Variants in PPP2CB observed in about 807,000 individuals in gnomAD.
PPP2CB encodes protein phosphatase 2 catalytic subunit beta, also known as serine/threonine-protein phosphatase 2A catalytic subunit beta isoform.
PPP2CB carries 18 observed loss-of-function variants against 39.1 expected under a neutral mutation model. The observed-to-expected ratio is 0.46, with a 90% CI of 0.32 to 0.68. The LOEUF (loss-of-function observed/expected upper bound fraction) is 0.68. Among genes scored for constraint, PPP2CB ranks in the 30% least tolerant of loss-of-function variants. The probability of loss-of-function intolerance (pLI) is 0.04; values close to 1 mark genes in which losing one functional copy is unlikely to be tolerated. For missense variants in PPP2CB, 226 were observed against 396.9 expected, an observed-to-expected ratio of 0.57 and a Z score of 3.66; for synonymous variants, 129 against 133.8, an observed-to-expected ratio of 0.96 and a Z score of 0.25.
At chr8:30,803,953 G>C (rs1806674669) in intron 1 of PPP2CB, among the ~76,000 whole-genome samples, 1 of 151,982 alleles carries the variant, frequency 6.6e-6, no homozygotes, top group African/African-American at 2.4e-5. Flanking sequence ...CTCCCAAGTA[G>C]CTGGGATTAC....
intron 1 of PPP2CB, among the ~76,000 whole-genome samples, chr8:30,811,297 T>C (rs1563218551): frequency 6.6e-6 from 1 of 152,046 alleles, no homozygotes. Flanking sequence ...AAAACACACA[T>C]CCCACTTATC....
intron 3 of PPP2CB, among the ~76,000 whole-genome samples, chr8:30,796,773 C>A (rs1468031463): frequency 6.6e-6 from 1 of 152,192 alleles, no homozygotes; most frequent in East Asian, 1.9e-4. Context: ...ATAATTTCTT[C>A]TTATACTTTT....
Position 30,785,730 on chromosome 8 carries a change from T to C in PPP2CB, c.*505A>G, listed in dbSNP as rs562621649. 1 of 252,268 alleles carries C rather than the reference T, an allele frequency of 4.0e-6. No homozygotes were observed. Among genetic ancestry groups the C allele is most frequent in the African/African-American group, 2.3e-5 (1 of 43,600 alleles). 15.6% of individuals were successfully genotyped at this position (252,268 alleles called of 1,614,324 possible). Reference sequence around the variant, plus strand: ...ACATAAAACAGTAATTTAGTTTAAATGAAGGGAAATCTCTTTAAATGTTAT... The same window carrying C: ...ACATAAAACAGTAATTTAGTTTAAACGAAGGGAAATCTCTTTAAATGTTAT... On this transcript the variant is annotated 3_prime_UTR_variant, in exon 7 of 7. Transcript: ENST00000221138.
chr8:30,806,826 A>G (rs1392942404), intron 1 of PPP2CB, among the ~76,000 whole-genome samples: 2 of 152,260 alleles, frequency 1.3e-5, no homozygotes, highest in Non-Finnish European at 2.9e-5. Flanking sequence ...AAGAAATTTT[A>G]CATTGCAAAT....
At chr8:30,790,148 G>C (rs77012321) in intron 6 of PPP2CB, among the ~76,000 whole-genome samples, 4,530 of 150,354 alleles carry the variant, frequency 0.03, 211 homozygotes, top group African/African-American at 0.1. Flanking sequence ...GGTTCTGGGT[G>C]GACATGAATT....
At chr8:30,791,877 T>C (rs566969649) in intron 5 of PPP2CB, among the ~76,000 whole-genome samples, 33 of 152,074 alleles carry the variant, frequency 2.2e-4, no homozygotes, top group African/African-American at 7.2e-4. Context: ...TATATGTGTG[T>C]GCATATATGT....
At chr8:30,789,828 T>C (rs1806403013) in intron 6 of PPP2CB, among the ~76,000 whole-genome samples, 1 of 152,192 alleles carries the variant, frequency 6.6e-6, no homozygotes, top group African/African-American at 2.4e-5. Flanking sequence ...ACAACGGGGA[T>C]TTATCCTCTC....
At position 30,785,734 on chromosome 8, in the gene PPP2CB, G is replaced by A; in HGVS notation, c.*501C>T. 3.9e-6 allele frequency: 1 copy of A among 253,336 alleles called. No homozygotes were observed. Among genetic ancestry groups the A allele is most frequent in the Non-Finnish European group, 7.9e-6 (1 of 127,382 alleles). 15.7% of individuals were successfully genotyped at this position (253,336 alleles called of 1,614,324 possible). A position where few individuals can be genotyped will look rare whatever the true frequency, so the allele number is the denominator to read the frequency against. On this transcript the variant is annotated 3_prime_UTR_variant, in exon 7 of 7. Coordinates refer to ENST00000221138, the MANE Select transcript of PPP2CB (RefSeq NM_001009552.2). ...AAAACAGTAATTTAGTTTAAATGAAGGGAAATCTCTTTAAATGTTATGACA... is the reference window on the plus strand; with the variant it reads ...AAAACAGTAATTTAGTTTAAATGAAAGGAAATCTCTTTAAATGTTATGACA...
intron 2 of PPP2CB, 44 bp downstream of exon 2, chr8:30,799,502 C>G (rs1806582861): frequency 2.6e-6 from 4 of 1,516,460 alleles, no homozygotes; most frequent in Non-Finnish European, 3.6e-6. Flanking sequence ...TGCCTTTTGC[C>G]TGGTTTAAAT....
intron 1 of PPP2CB, among the ~76,000 whole-genome samples, chr8:30,810,582 C>T (rs942037644): frequency 6.6e-6 from 1 of 152,236 alleles, no homozygotes; most frequent in Admixed American, 6.5e-5. Flanking sequence ...CAAACCTGTA[C>T]ATTTCACTTC....
At chr8:30,790,162 T>C (rs1453817174) in intron 6 of PPP2CB, among the ~76,000 whole-genome samples, 1 of 152,190 alleles carries the variant, frequency 6.6e-6, no homozygotes, top group African/African-American at 2.4e-5. Flanking sequence ...ATGAATTTTT[T>C]TGGGGGGACA....
At chr8:30,796,049 T>C (rs1383874065) in intron 3 of PPP2CB, among the ~76,000 whole-genome samples, 3 of 152,252 alleles carry the variant, frequency 2.0e-5, no homozygotes, top group Non-Finnish European at 4.4e-5. Flanking sequence ...TTAAAACTGA[T>C]AGGCTGTCTT....
intron 4 of PPP2CB, 41 bp downstream of exon 4, chr8:30,794,151 A>G (rs767962940): frequency 1.2e-6 from 2 of 1,608,088 alleles, no homozygotes; most frequent in Admixed American, 1.7e-5. Context: ...ATGTGGTTAT[A>G]TTTTCTTTTC....
At chr8:30,794,365 C>G in intron 3 of PPP2CB, 84 bp from the exon 4 acceptor site, 1 of 1,187,058 alleles carries the variant, frequency 8.4e-7, no homozygotes, top group South Asian at 1.3e-5. Context: ...TTAAAAGTGT[C>G]AGTCCAAATA....
intron 6 of PPP2CB, among the ~76,000 whole-genome samples, chr8:30,790,381 T>G (rs769236382): frequency 6.6e-6 from 1 of 152,208 alleles, no homozygotes; most frequent in African/African-American, 2.4e-5. Flanking sequence ...CTTTTGTATG[T>G]TGCTCCTAGT....
At chr8:30,808,917 A>AT (rs1586128953) in intron 1 of PPP2CB, among the ~76,000 whole-genome samples, 1 of 140,604 alleles carries the variant, frequency 7.1e-6, no homozygotes, top group Non-Finnish European at 1.5e-5. Flanking sequence ...AGGACTTTAC[A>AT]TGGCCTTTTT....
At chr8:30,801,229 C>A (rs1586125773) in intron 1 of PPP2CB, among the ~76,000 whole-genome samples, 2 of 150,350 alleles carry the variant, frequency 1.3e-5, no homozygotes. Flanking sequence ...GGCAACAACA[C>A]AGCACAGTGA....
intron 1 of PPP2CB, among the ~76,000 whole-genome samples, chr8:30,811,584 C>CTCCTGG (rs1365518503): frequency 2.6e-5 from 4 of 151,566 alleles, no homozygotes; most frequent in Non-Finnish European, 4.4e-5. Context: ...CAGCCTCCAC[C>CTCCTGG]TCCTGGGCTC....
At chr8:30,803,658 T>TA (rs1332847265) in intron 1 of PPP2CB, among the ~76,000 whole-genome samples, 1 of 152,094 alleles carries the variant, frequency 6.6e-6, no homozygotes, top group African/African-American at 2.4e-5. Context: ...CATGTGCGCT[T>TA]AAAGTTTATG....
Sources: allele counts gnomAD v4.1 joint callset (sites outside exome capture counted in the v4.1 genomes callset), GRCh38; gene constraint gnomAD v4.1.1; transcripts MANE v1.5; gene names NCBI Gene and HGNC (gene_info 2026-07-23, HGNC 2026-07-21).